DRAM1: variants seen among roughly 807,000 people sequenced by gnomAD.
The protein encoded by DRAM1 is DNA damage regulated autophagy modulator 1, also known as DNA damage-regulated autophagy modulator protein 1.
Under a neutral mutation model 28.5 loss-of-function variants are expected in DRAM1, and 25 were observed. The ratio of observed to expected loss-of-function variants is 0.88; its 90% CI spans 0.64 to 1.23. The LOEUF (loss-of-function observed/expected upper bound fraction) is 1.23. DRAM1 is among the 50% of genes most tolerant of loss of function. DRAM1 has a pLI of 0.00. For synonymous variants in DRAM1, 113 were observed against 114.2 expected, an observed-to-expected ratio of 0.99 and a Z score of 0.07; for missense variants, 249 against 299.2, an observed-to-expected ratio of 0.83 and a Z score of 1.24.
At chr12:101,915,551 T>C (rs537951328) in intron 5 of DRAM1, among the ~76,000 whole-genome samples, 3 of 151,470 alleles carry the variant, frequency 2.0e-5, no homozygotes, top group Non-Finnish European at 4.4e-5. Flanking sequence ...GAAGACTTTT[T>C]TTTTTTTTGA....
At chr12:101,910,783 G>A (rs1874014497) in intron 4 of DRAM1, among the ~76,000 whole-genome samples, 2 of 151,704 alleles carry the variant, frequency 1.3e-5, no homozygotes, top group South Asian at 4.2e-4. Flanking sequence ...CTGGCCTCTA[G>A]GAAGTTCTTA....
intron 3 of DRAM1, among the ~76,000 whole-genome samples, chr12:101,903,973 C>G (rs978505450): frequency 4.6e-5 from 7 of 150,950 alleles, no homozygotes; most frequent in Admixed American, 4.6e-4. Context: ...CCCTATAAGC[C>G]TCATAAATAT....
chr12:101,918,694 C>T (rs1874349362), intron 5 of DRAM1, among the ~76,000 whole-genome samples: 1 of 152,184 alleles, frequency 6.6e-6, no homozygotes, highest in Non-Finnish European at 1.5e-5. Context: ...GCAGTGGGCT[C>T]AGCCCTCAAC....
In DRAM1 at chr12:101,908,233, T is replaced by G. The variant is rs1398359706; in HGVS notation, c.390T>G (p.Phe130Leu). The G allele has an allele frequency of 6.2e-7, 1 of 1,613,586 alleles. No individual in the cohort carries two copies. The highest frequency in any genetic ancestry group is 1.1e-5 in the South Asian group (1 of 90,916). Residue 130 changes from phenylalanine (F) to leucine (L), a missense_variant, in exon 4 of 7, where the codon TTT becomes TTG. Physicochemically the swap from Phe to Leu is conservative, Grantham distance 22. Transcript: ENST00000258534. ...ATGACGGGGGCGCTCTTTTGGCCTT[T>G]GTCTGTGGTGTCGTGTACACGCTCC... ...VVHDGGALLAFVCGVVYTLLQ... is the reference protein window; with the variant it reads ...VVHDGGALLALVCGVVYTLLQ...
intron 2 of DRAM1, among the ~76,000 whole-genome samples, chr12:101,900,054 G>A (rs1374017005): frequency 6.6e-6 from 1 of 152,180 alleles, no homozygotes; most frequent in Admixed American, 6.6e-5. Context: ...ATATGATAGG[G>A]TTTGTGCTTG....
chr12:101,897,427 C>T (rs552833239), intron 1 of DRAM1, among the ~76,000 whole-genome samples: 2 of 152,072 alleles, frequency 1.3e-5, no homozygotes, highest in African/African-American at 4.8e-5. Flanking sequence ...TCTTGAACTC[C>T]TGACCTCAGG....
rs1874564837 is a variant in DRAM1 at position 101,923,570 on chromosome 12, C to T, written c.*2310C>T. On this transcript the variant is annotated 3_prime_UTR_variant, in exon 7 of 7. Transcript: ENST00000258534. Reference sequence around the variant, plus strand: ...GTGCTATAATATAGAATGGGATTTACTCTGCTTTACCAGTTAGTTTCATAA... The same window carrying T: ...GTGCTATAATATAGAATGGGATTTATTCTGCTTTACCAGTTAGTTTCATAA... 1 of 152,206 alleles carries T rather than the reference C, an allele frequency of 6.6e-6. No individual in the cohort carries two copies. Among genetic ancestry groups the T allele is most frequent in the Non-Finnish European group, 1.5e-5 (1 of 68,040 alleles). The allele number at this position is 152,206 out of a possible 1,614,324, so 9.4% of individuals were successfully genotyped here. A position where few individuals can be genotyped will look rare whatever the true frequency, so the allele number is the denominator to read the frequency against.
chr12:101,919,340 CTA>C (rs1361618414), intron 5 of DRAM1, among the ~76,000 whole-genome samples: 1 of 151,594 alleles, frequency 6.6e-6, no homozygotes, highest in African/African-American at 2.4e-5. Flanking sequence ...GAAAGCAACA[CTA>C]GTGTATTATT....
At chr12:101,902,585 C>T (rs912434044) in intron 3 of DRAM1, among the ~76,000 whole-genome samples, 2 of 152,166 alleles carry the variant, frequency 1.3e-5, no homozygotes, top group African/African-American at 4.8e-5. Context: ...TCACTTTATC[C>T]TCTGACTAAC....
At chr12:101,894,900 G>A (rs1873288910) in intron 1 of DRAM1, among the ~76,000 whole-genome samples, 1 of 152,172 alleles carries the variant, frequency 6.6e-6, no homozygotes, top group East Asian at 1.9e-4. Context: ...ATTATTCTCA[G>A]ACCTGTGTAA....
intron 4 of DRAM1, among the ~76,000 whole-genome samples, chr12:101,908,864 C>T (rs758270255): frequency 9.1e-6 from 1 of 109,922 alleles, no homozygotes; most frequent in Non-Finnish European, 1.7e-5. Flanking sequence ...CGTGTCTTAG[C>T]AAAGCTTGAC....
intron 4 of DRAM1, among the ~76,000 whole-genome samples, chr12:101,910,258 C>T (rs1159780998): frequency 6.6e-6 from 1 of 152,130 alleles, no homozygotes; most frequent in African/African-American, 2.4e-5. Context: ...TAAAGGAACA[C>T]TTTCTCTTTG....
chr12:101,893,172 C>G (rs1161762433), intron 1 of DRAM1, among the ~76,000 whole-genome samples: 1 of 152,218 alleles, frequency 6.6e-6, no homozygotes, highest in Non-Finnish European at 1.5e-5. Context: ...ACAACAAAGG[C>G]ATAATGATGT....
chr12:101,897,520 T>C (rs1389145485), intron 1 of DRAM1, among the ~76,000 whole-genome samples: 1 of 94,454 alleles, frequency 1.1e-5, no homozygotes, highest in Non-Finnish European at 2.2e-5. Flanking sequence ...ATTTTAGATC[T>C]TTTTTTTTTG....
At position 101,908,339 on chromosome 12, in the gene DRAM1, G is replaced by A. The variant is rs374445581; in HGVS notation, c.496G>A (p.Val166Ile). The change falls in exon 4 of 7, where the codon GTT becomes ATT. Residue 166 changes from valine to isoleucine, a missense_variant. Coordinates refer to ENST00000258534, the MANE Select transcript of DRAM1 (RefSeq NM_018370.3). ...TCHIRMVISA[V>I]SCAAVIPMIV... ...CCACATACGGATGGTCATCTCTGCC[G>A]TTTCTTGCGCAGCTGTCATCCCCAG... 1.2e-5 allele frequency: 20 copies of A among 1,611,148 alleles called. No homozygotes were observed. In the Middle Eastern group the frequency reaches 5.0e-4, roughly 40 times the overall value.
intron 1 of DRAM1, among the ~76,000 whole-genome samples, chr12:101,881,035 C>A (rs1872670028): frequency 6.6e-6 from 1 of 152,162 alleles, no homozygotes; most frequent in Admixed American, 6.5e-5. Flanking sequence ...CCTGCCCGCT[C>A]CTAGAAAACA....
intron 1 of DRAM1, among the ~76,000 whole-genome samples, chr12:101,896,935 G>A (rs1283042749): frequency 1.3e-5 from 2 of 151,502 alleles, no homozygotes; most frequent in South Asian, 2.1e-4. Flanking sequence ...TTACAGGCAT[G>A]TGCCACCATG....
At chr12:101,893,464 A>G (rs1873215955) in intron 1 of DRAM1, among the ~76,000 whole-genome samples, 1 of 152,160 alleles carries the variant, frequency 6.6e-6, no homozygotes, top group South Asian at 2.1e-4. Context: ...CATCTATATT[A>G]GTGTTTGCTC....
At chr12:101,890,907 C>T (rs77308486) in intron 1 of DRAM1, among the ~76,000 whole-genome samples, 3 of 152,122 alleles carry the variant, frequency 2.0e-5, no homozygotes, top group Non-Finnish European at 4.4e-5. Flanking sequence ...CCCGCCACCA[C>T]GCCCAGCTAA....
Sources: gnomAD v4.1 joint callset for allele counts (sites outside exome capture counted in the v4.1 genomes callset) on GRCh38, gnomAD v4.1.1 for gene constraint, MANE v1.5 for transcripts, NCBI Gene and HGNC (gene_info 2026-07-23, HGNC 2026-07-21) for gene names.